Variants in A3GALT2 observed in about 807,000 individuals in gnomAD.
The protein encoded by A3GALT2 is alpha 1,3-galactosyltransferase 2, also known as alpha-1,3-galactosyltransferase 2.
In A3GALT2, 14 loss-of-function variants were observed where a neutral mutation model predicts 16.6. The ratio of observed to expected loss-of-function variants is 0.84; its 90% CI spans 0.56 to 1.32. A3GALT2 has a LOEUF of 1.32. Ranked by LOEUF, A3GALT2 falls within the 40% of genes most tolerant of loss-of-function variation. The probability of loss-of-function intolerance (pLI) is 0.00; values close to 1 mark genes in which losing one functional copy is unlikely to be tolerated. For synonymous variants in A3GALT2, 253 were observed against 218.0 expected (o/e 1.16, Z -1.42); for missense variants, 600 against 490.9 (o/e 1.22, Z -2.10).
chr1:33,311,061 C>G (rs1405599176), intron 4 of A3GALT2, among the ~76,000 whole-genome samples: 1 of 152,158 alleles, frequency 6.6e-6, no homozygotes, highest in East Asian at 1.9e-4. Context: ...AATTCCTTCC[C>G]CATCCTTCCT....
chr1:33,308,750 G>GTTTTTTTTTTTTTT (rs56655319), intron 4 of A3GALT2, among the ~76,000 whole-genome samples: 42 of 46,046 alleles, frequency 9.1e-4, no homozygotes, highest in African/African-American at 2.2e-3. Flanking sequence ...TGTCAAAGTT[G>GTTTTTTTTTTTTTT]TTTTTTTTTT....
intron 1 of A3GALT2, among the ~76,000 whole-genome samples, chr1:33,318,694 AG>A (rs1214542705): frequency 6.6e-6 from 1 of 151,994 alleles, no homozygotes; most frequent in Non-Finnish European, 1.5e-5. Context: ...TCAGCCAACA[AG>A]CTCCGCATCA....
intron 1 of A3GALT2, chr1:33,313,175 GTTTTTTT>G (rs10662364): frequency 5.5e-5 from 5 of 90,652 alleles, no homozygotes; most frequent in South Asian, 2.4e-4. Context: ...CAGTGACGGA[GTTTTTTT>G]TTTTTTTTTT....
intron 1 of A3GALT2, among the ~76,000 whole-genome samples, chr1:33,315,046 A>C (rs1646254854): frequency 6.6e-6 from 1 of 152,140 alleles, no homozygotes; most frequent in Non-Finnish European, 1.5e-5. Context: ...CAGGAGTTCG[A>C]GATCAGCCCG....
chr1:33,321,004 C>T (rs1646283497), intron 1 of A3GALT2, 72 bp downstream of exon 1: 3 of 1,590,622 alleles, frequency 1.9e-6, no homozygotes, highest in Non-Finnish European at 1.7e-6. Context: ...CTGTTTTAGC[C>T]ATCAGACTGG....
intron 4 of A3GALT2, among the ~76,000 whole-genome samples, chr1:33,308,498 C>T (rs555363529): frequency 2.5e-4 from 38 of 152,166 alleles, no homozygotes; most frequent in Non-Finnish European, 4.7e-4. Context: ...CTCTGCCTCC[C>T]GGCTTCAAGC....
At chr1:33,312,363 G>A (rs926852064) in intron 3 of A3GALT2, 138 bp downstream of exon 3, 12 of 1,269,890 alleles carry the variant, frequency 9.4e-6, no homozygotes, top group Non-Finnish European at 1.3e-5. Context: ...GAGATGTGTG[G>A]CCCGATGGGG....
At position 33,306,975 on chromosome 1, in the gene A3GALT2, A is replaced by G. The variant is rs1383022926; in HGVS notation, c.814T>C (p.Cys272Arg). The G allele has an allele frequency of 1.3e-6, 2 of 1,485,392 alleles. No homozygotes were observed. The highest frequency in any genetic ancestry group is 1.8e-6 in the Non-Finnish European group (2 of 1,124,746). 92.0% of individuals were successfully genotyped at this position (1,485,392 alleles called of 1,614,324 possible). A position where few individuals can be genotyped will look rare whatever the true frequency, so the allele number is the denominator to read the frequency against. ...CGGTCCCAGTCCAGGCCCCCCGCAC[A>G]GTGCGCCGTCAGCCCGCGCAGCGCC... ...VAALRGLTAH[C>R]AGGLDWDRAR... is the part of the protein sequence containing the mutation. Residue 272 changes from cysteine (C) to arginine (R), a missense_variant, in exon 5 of 5, where the codon TGT becomes CGT. Coordinates refer to ENST00000442999, the MANE Select transcript of A3GALT2 (RefSeq NM_001080438.1).
Position 33,306,939 on chromosome 1 carries a change from G to A in A3GALT2, c.850C>T (p.Leu284=). ...GGLDWDRARG[L]EARWHDESHL... ...CTCTCGTCGTGCCAGCGCGCCTCCA[G>A]GCCGCGCGCGCGGTCCCAGTCCAGG... Residue 284 remains leucine, a synonymous_variant, in exon 5 of 5, where the codon CTG becomes TTG. Coordinates refer to ENST00000442999, the MANE Select transcript of A3GALT2 (RefSeq NM_001080438.1). 2.0e-6 allele frequency: 3 copies of A among 1,511,858 alleles called. No individual in the cohort carries two copies. Among genetic ancestry groups the A allele is most frequent in the Non-Finnish European group, 1.8e-6 (2 of 1,136,510 alleles). 93.7% of individuals were successfully genotyped at this position (1,511,858 alleles called of 1,614,324 possible).
Position 33,306,846 on chromosome 1 carries a change from G to T in A3GALT2, c.943C>A (p.Pro315Thr). ...ATCTCGGCCCGCGGGCCGATGTCCG[G>T]GCTCCAGCAGAACTCGGGCGACAGC... is the stretch of plus-strand genomic sequence containing the variant. ...KVLSPEFCWS[P>T]DIGPRAEIRR... Residue 315 changes from proline (P) to threonine (T), a missense_variant, in exon 5 of 5, where the codon CCG becomes ACG. Pro to Thr is a conservative substitution (Grantham distance 38, BLOSUM62 -1). Coordinates refer to ENST00000442999, the MANE Select transcript of A3GALT2 (RefSeq NM_001080438.1). The T allele has an allele frequency of 6.6e-7, 1 of 1,507,586 alleles. No individual in the cohort carries two copies. Among genetic ancestry groups the T allele is most frequent in the Non-Finnish European group, 8.8e-7 (1 of 1,134,396 alleles). 93.4% of individuals were successfully genotyped at this position (1,507,586 alleles called of 1,614,324 possible).
In A3GALT2 at chr1:33,306,971, G is replaced by A; in HGVS notation, c.818C>T (p.Ala273Val). The change falls in exon 5 of 5, where the codon GCG becomes GTG. Residue 273 changes from alanine to valine, a missense_variant. Transcript: ENST00000442999. ...AALRGLTAHCAGGLDWDRARG... is the reference protein window; with the variant it reads ...AALRGLTAHCVGGLDWDRARG... ...CGCGCGGTCCCAGTCCAGGCCCCCC[G>A]CACAGTGCGCCGTCAGCCCGCGCAG... 6.7e-7 allele frequency: 1 copy of A among 1,488,644 alleles called. No homozygotes were observed. Among genetic ancestry groups the A allele is most frequent in the Non-Finnish European group, 8.9e-7 (1 of 1,126,264 alleles). The allele number at this position is 1,488,644 out of a possible 1,614,324, so 92.2% of individuals were successfully genotyped here. A position where few individuals can be genotyped will look rare whatever the true frequency, so the allele number is the denominator to read the frequency against.
At chr1:33,316,445 CAAAAA>C (rs367904310) in intron 1 of A3GALT2, among the ~76,000 whole-genome samples, 3 of 152,072 alleles carry the variant, frequency 2.0e-5, no homozygotes, top group Non-Finnish European at 1.5e-5. Flanking sequence ...CAAAACAAAA[CAAAAA>C]ACCCAAAAAC....
intron 1 of A3GALT2, among the ~76,000 whole-genome samples, chr1:33,318,481 T>C (rs867856553): frequency 2.0e-4 from 31 of 152,066 alleles, no homozygotes; most frequent in Admixed American, 7.2e-4. Flanking sequence ...GACAGCCAAG[T>C]TGTTGCTTTT....
At chr1:33,308,750 G>GTTTTGTTTTTTTTTT (rs1646216319) in intron 4 of A3GALT2, among the ~76,000 whole-genome samples, 7 of 46,132 alleles carry the variant, frequency 1.5e-4, no homozygotes, top group African/African-American at 8.5e-4. Flanking sequence ...TGTCAAAGTT[G>GTTTTGTTTTTTTTTT]TTTTTTTTTT....
In A3GALT2 at chr1:33,320,409, A is replaced by C. The variant is rs1646280683; in HGVS notation, c.23+667T>G. ...GCTCTGGGCCTCAGCCAGGGCACAC[A>C]GGCAGAGTTGGTCTTGTGAACTCCT... On this transcript the variant is annotated intron_variant, in intron 1 of 4. Coordinates refer to ENST00000442999, the MANE Select transcript of A3GALT2 (RefSeq NM_001080438.1). The surrounding 1 kb of genome is among the most constrained non-coding windows in gnomAD (Gnocchi z 4.3). Among the ~76,000 whole-genome samples, 1 of 152,062 alleles carries C rather than the reference A, an allele frequency of 6.6e-6. No individual in the cohort carries two copies. Among genetic ancestry groups the C allele is most frequent in the East Asian group, 1.9e-4 (1 of 5,192 alleles).
rs767203630 is a variant in A3GALT2, at chr1:33,307,142, GA to G, written c.646del (p.Ser216ArgfsTer53). 12 of 1,549,120 alleles carry G rather than the reference GA, an allele frequency of 7.7e-6. No individual in the cohort carries two copies. In the South Asian group the frequency reaches 1.3e-4, roughly 17 times the overall value. On this transcript the variant is annotated frameshift_variant, in exon 5 of 5. Coordinates refer to ENST00000442999, the MANE Select transcript of A3GALT2 (RefSeq NM_001080438.1). LOFTEE classifies it low-confidence loss of function (END_TRUNC). ...GTFGPEALAESVAQLHSWHYH... is the reference protein window; with the variant it reads ...GTFGPEALAEXVAQLHSWHYH... ...GTGCCAGGAGTGCAGCTGCGCCACC[GA>G]CTCGGCCAGCGCCTCGGGCCCAAAA...
chr1:33,319,949 A>C (rs1646277792), intron 1 of A3GALT2, among the ~76,000 whole-genome samples: 1 of 152,032 alleles, frequency 6.6e-6, no homozygotes, highest in East Asian at 1.9e-4. Context: ...AGGCATTTGC[A>C]CGGCGGGTAA....
intron 1 of A3GALT2, chr1:33,313,175 G>GTTTGT (rs1646243894): frequency 1.1e-5 from 1 of 89,950 alleles, no homozygotes; most frequent in Non-Finnish European, 2.1e-5. Flanking sequence ...CAGTGACGGA[G>GTTTGT]TTTTTTTTTT....
intron 4 of A3GALT2, 63 bp from the exon 5 acceptor site, chr1:33,307,516 C>A: frequency 7.4e-7 from 1 of 1,345,758 alleles, no homozygotes; most frequent in Admixed American, 2.9e-5. Context: ...CTCCCCACCT[C>A]ATCTCACCTC....
Sources: gnomAD v4.1 joint callset for allele counts (sites outside exome capture counted in the v4.1 genomes callset) on GRCh38, gnomAD v4.1.1 for gene constraint, Gnocchi (gnomAD v3.1) non-coding constraint, MANE v1.5 for transcripts, NCBI Gene and HGNC (gene_info 2026-07-23, HGNC 2026-07-21) for gene names.